Variants in TOP2A observed in about 807,000 individuals in gnomAD.
TOP2A encodes DNA topoisomerase II alpha.
Under a neutral mutation model 187.2 loss-of-function variants are expected in TOP2A, and 68 were observed. The ratio of observed to expected loss-of-function variants is 0.36; its 90% confidence interval spans 0.30 to 0.44. The LOEUF (loss-of-function observed/expected upper bound fraction) is 0.44, where lower values mean the gene tolerates loss of function less well. Among genes scored for constraint, TOP2A ranks in the 20% least tolerant of loss-of-function variants. TOP2A has a pLI of 1.00. For synonymous variants in TOP2A, 542 were observed against 593.2 expected (o/e 0.91, Z 1.25); for missense variants, 1,196 against 1,808.7 (o/e 0.66, Z 6.14).
intron 10 of TOP2A, chr17:40,409,456 C>T (rs2035291902): frequency 2.2e-6 from 1 of 448,140 alleles, no homozygotes; most frequent in Non-Finnish European, 4.5e-6. Flanking sequence ...AAGTTTAAGA[C>T]ACAACATAGA....
At chr17:40,404,719 A>G in intron 17 of TOP2A, 72 bp downstream of exon 17, 1 of 1,020,180 alleles carries the variant, frequency 9.8e-7, no homozygotes, top group Admixed American at 2.4e-5. Flanking sequence ...CAGTAAGTTT[A>G]ATTTGCTATA....
chr17:40,412,889 T>A lies in TOP2A; in HGVS notation c.659A>T (p.Gln220Leu). 6.2e-7 allele frequency: 1 copy of A among 1,613,924 alleles called. No homozygotes were observed. Among genetic ancestry groups the A allele is most frequent in the Non-Finnish European group, 8.5e-7 (1 of 1,179,828 alleles). ...NGEDYTCITFQPDLSKFKMQS... is the reference protein window; with the variant it reads ...NGEDYTCITFLPDLSKFKMQS... Reference sequence around the variant, plus strand: ...CATTTTAAACTTAGACAAATCAGGCTGAAAGGTGATACATGTATAATCTTC... The same window carrying A: ...CATTTTAAACTTAGACAAATCAGGCAGAAAGGTGATACATGTATAATCTTC... The change falls in exon 7 of 35, where the codon CAG becomes CTG. Residue 220 changes from glutamine to leucine, a missense_variant. Gln to Leu is a moderately radical substitution (Grantham distance 113, BLOSUM62 -2). Around this residue, in one of 10 missense-constraint regions of TOP2A, gnomAD observed 252 missense variants for 434.8 expected, o/e 0.58. Coordinates refer to ENST00000423485, the MANE Select transcript of TOP2A (RefSeq NM_001067.4).
intron 28 of TOP2A, 102 bp downstream of exon 28, chr17:40,396,181 C>T: frequency 1.6e-6 from 1 of 611,798 alleles, no homozygotes; most frequent in Non-Finnish European, 2.8e-6. Context: ...GGGTTTCAAC[C>T]ATGTTGGGAG....
chr17:40,417,509 C>A, intron 1 of TOP2A: 1 of 1,407,192 alleles, frequency 7.1e-7, no homozygotes, highest in African/African-American at 1.4e-5. Flanking sequence ...TAACATGGAT[C>A]CACTACGGGA....
chr17:40,407,062 G>C (rs554438036), intron 13 of TOP2A, 120 bp from the exon 14 acceptor site: 5 of 680,202 alleles, frequency 7.4e-6, no homozygotes, highest in Non-Finnish European at 1.2e-5. Context: ...TCAGGCGTTC[G>C]AGACCAGCCT....
chr17:40,405,656 A>C (rs2035233698), intron 16 of TOP2A, among the ~76,000 whole-genome samples: 1 of 151,408 alleles, frequency 6.6e-6, no homozygotes, highest in Admixed American at 6.6e-5. Flanking sequence ...TTTTTAGTAG[A>C]GACGGGGTTT....
In TOP2A at chr17:40,402,901, C is replaced by A. The variant is rs534924468; in HGVS notation, c.2432+5G>T. On this transcript the variant is annotated splice_donor_5th_base_variant and intron_variant, in intron 20 of 34. Transcript: ENST00000423485. ...CAAGTCACTAGAAAGTGAAAGCATA[C>A]CTACCTGAGCATTGTAAAGATGTAT... The A allele has an allele frequency of 1.9e-6, 3 of 1,593,870 alleles. No homozygotes were observed. In the African/African-American group the frequency reaches 4.0e-5, roughly 21 times the overall value.
Position 40,406,392 on chromosome 17 carries a change from T to C in TOP2A, c.1945A>G (p.Ile649Val). 1.9e-6 allele frequency: 3 copies of C among 1,611,728 alleles called. No individual in the cohort carries two copies. Among genetic ancestry groups the C allele is most frequent in the Non-Finnish European group, 2.5e-6 (3 of 1,178,326 alleles). ...KYSGPEDDAA[I>V]SLAFSKKQID... ...ATACAACTCAAACCTACCAGGCTGA[T>C]AGCAGCATCATCTTCAGGACCAGAA... The change falls in exon 16 of 35, where the codon ATC becomes GTC. Residue 649 changes from isoleucine to valine, a missense_variant. This residue lies in a region of TOP2A where 209 missense variants were observed against 376.9 expected (regional missense o/e 0.55). Transcript: ENST00000423485.
rs777230505 is a variant in TOP2A, at chr17:40,396,359, C to A, written c.3644G>T (p.Arg1215Leu). 9.9e-6 allele frequency: 16 copies of A among 1,613,946 alleles called. No individual in the cohort carries two copies. Among genetic ancestry groups the A allele is most frequent in the Non-Finnish European group, 1.3e-5 (15 of 1,179,880 alleles). Residue 1215 changes from arginine (R) to leucine (L), a missense_variant, in exon 28 of 35, where the codon CGT becomes CTT. By Grantham distance (102) the Arg-to-Leu change is moderately radical. Coordinates refer to ENST00000423485, the MANE Select transcript of TOP2A (RefSeq NM_001067.4). ...TATTCGTGGAATGACTCTTTGACCA[C>A]GCGGAGAAGGCAAAACTTCAGCCAT... ...TQMAEVLPSP[R>L]GQRVIPRITI...
At chr17:40,406,726 G>C in intron 14 of TOP2A, 37 bp from the exon 15 acceptor site, 1 of 1,594,080 alleles carries the variant, frequency 6.3e-7, no homozygotes, top group Admixed American at 1.7e-5. Flanking sequence ...TTTGTACACT[G>C]TGGGGTCCCC....
At chr17:40,415,973 G>A in intron 4 of TOP2A, 32 bp downstream of exon 4, 1 of 1,450,218 alleles carries the variant, frequency 6.9e-7, no homozygotes, top group Non-Finnish European at 9.5e-7. Context: ...ATAGCAACGA[G>A]CTACATAACA....
chr17:40,407,423 G>T, intron 13 of TOP2A, 126 bp downstream of exon 13: 1 of 734,126 alleles, frequency 1.4e-6, no homozygotes, highest in Non-Finnish European at 2.1e-6. Flanking sequence ...CTGATTAGAT[G>T]TTGATTAGAG....
At chr17:40,401,428 C>T (rs1011661735) in intron 20 of TOP2A, among the ~76,000 whole-genome samples, 4 of 151,980 alleles carry the variant, frequency 2.6e-5, no homozygotes, top group Admixed American at 2.0e-4. Flanking sequence ...ACACTGAGGG[C>T]GCCAGGTGCA....
chr17:40,408,810 G>A (rs2035280192), intron 10 of TOP2A, 180 bp from the exon 11 acceptor site: 2 of 710,724 alleles, frequency 2.8e-6, no homozygotes, highest in Non-Finnish European at 5.1e-6. Context: ...ACCACTGAGG[G>A]AGCTGCTCCT....
chr17:40,392,620 A>C lies in TOP2A; in HGVS notation c.3929T>G (p.Val1310Gly). 6.2e-7 allele frequency: 1 copy of C among 1,613,004 alleles called. No individual in the cohort carries two copies. Among genetic ancestry groups the C allele is most frequent in the Non-Finnish European group, 8.5e-7 (1 of 1,179,686 alleles). Residue 1310 changes from valine (V) to glycine (G), a missense_variant, in exon 30 of 35, where the codon GTC becomes GGC. Around this residue, in one of 10 missense-constraint regions of TOP2A, gnomAD observed 374 missense variants for 403.3 expected, o/e 0.93. Coordinates refer to ENST00000423485, the MANE Select transcript of TOP2A (RefSeq NM_001067.4). Reference sequence around the variant, plus strand: ...CCGTGGCTCTGTTTCTCGTGGAGGGACATCAAAATTACTTTCGTCACTGCT... The same window carrying C: ...CCGTGGCTCTGTTTCTCGTGGAGGGCCATCAAAATTACTTTCGTCACTGCT... ...DRSSDESNFD[V>G]PPRETEPRRA...
rs571119266 is a variant in TOP2A, at chr17:40,391,639, G to T, written c.4134C>A (p.Asp1378Glu). 6.3e-7 allele frequency: 1 copy of T among 1,581,352 alleles called. No homozygotes were observed. The highest frequency in any genetic ancestry group is 2.3e-5 in the East Asian group (1 of 43,962). The change falls in exon 33 of 35, where the codon GAC (aspartate) becomes GAA (glutamate). Residue 1378 changes from aspartate (D) to glutamate (E), a missense_variant and splice_region_variant. This residue lies in a region of TOP2A where 374 missense variants were observed against 403.3 expected (regional missense o/e 0.93). Coordinates refer to ENST00000423485, the MANE Select transcript of TOP2A (RefSeq NM_001067.4). ...TGCCCTTAACATCATCAGCTTCAAG[G>T]TCTATTATTTCAAATGGAAAGGAAA... is the stretch of plus-strand genomic sequence containing the variant. ...ELKPQKSVVS[D>E]LEADDVKGSV...
At chr17:40,394,141 T>C (rs1029739437) in intron 29 of TOP2A, among the ~76,000 whole-genome samples, 3 of 151,232 alleles carry the variant, frequency 2.0e-5, no homozygotes, top group Middle Eastern at 3.2e-3. Context: ...ATGTGTTAAG[T>C]AAAGAAGTCA....
chr17:40,398,517 C>T (rs1480896456), intron 27 of TOP2A, 41 bp downstream of exon 27: 2 of 1,472,532 alleles, frequency 1.4e-6, no homozygotes, highest in Admixed American at 2.2e-5. Flanking sequence ...TATATTATTT[C>T]ATTAATAAAA....
intron 10 of TOP2A, chr17:40,409,615 T>C (rs1253701229): frequency 3.2e-6 from 1 of 313,648 alleles, no homozygotes; most frequent in South Asian, 2.6e-5. Flanking sequence ...AAAAATTAGC[T>C]GGATGTGATG....
Sources: allele counts gnomAD v4.1 joint callset (sites outside exome capture counted in the v4.1 genomes callset), GRCh38; gene constraint gnomAD v4.1.1; regional missense constraint gnomAD v4.1.1; transcripts MANE v1.5; gene names NCBI Gene and HGNC (gene_info 2026-07-23, HGNC 2026-07-21).